ARFGEF3: variants seen among roughly 807,000 people sequenced by gnomAD.
ARFGEF3 encodes the protein ARFGEF family member 3.
Under a neutral mutation model 221.7 loss-of-function variants are expected in ARFGEF3, and 96 were observed. The observed-to-expected ratio is 0.43, with a 90% confidence interval of 0.37 to 0.51. The LOEUF is 0.51. ARFGEF3 is among the 20% of genes least tolerant of loss of function. The probability of loss-of-function intolerance (pLI) is 0.00; values close to 1 mark genes in which losing one functional copy is unlikely to be tolerated. For synonymous variants in ARFGEF3, 1,145 were observed against 1,126.8 expected (o/e 1.02, Z -0.32); for missense variants, 2,410 against 2,789.9 (o/e 0.86, Z 3.07).
intron 29 of ARFGEF3, 54 bp from the exon 30 acceptor site, chr6:138,323,617 A>G (rs1780073603): frequency 1.3e-6 from 2 of 1,561,248 alleles, no homozygotes; most frequent in African/African-American, 2.7e-5. Context: ...ATCTGAAAAA[A>G]ACAAACAACA....
intron 17 of ARFGEF3, 71 bp from the exon 18 acceptor site, chr6:138,289,747 A>G: frequency 6.6e-7 from 1 of 1,504,288 alleles, no homozygotes; most frequent in Non-Finnish European, 9.1e-7. Flanking sequence ...CATGACACAC[A>G]TTCTTTCATT....
intron 4 of ARFGEF3, among the ~76,000 whole-genome samples, chr6:138,211,671 T>C (rs1358492343): frequency 6.6e-6 from 1 of 152,214 alleles, no homozygotes; most frequent in Non-Finnish European, 1.5e-5. Flanking sequence ...CTCCCAGGAA[T>C]AGTTTTTGTG....
chr6:138,192,732 G>A (rs1474100757), intron 2 of ARFGEF3, among the ~76,000 whole-genome samples: 3 of 152,208 alleles, frequency 2.0e-5, no homozygotes, highest in East Asian at 1.9e-4. Flanking sequence ...CTGGCCCTGG[G>A]CAGTCAGGAC....
chr6:138,325,598 T>C (rs1780112660), intron 31 of ARFGEF3, among the ~76,000 whole-genome samples: 1 of 152,190 alleles, frequency 6.6e-6, no homozygotes, highest in Admixed American at 6.5e-5. Flanking sequence ...ATGGTGTAGC[T>C]AGAAGTGAGA....
At chr6:138,330,140 G>C (rs1349271739) in intron 32 of ARFGEF3, among the ~76,000 whole-genome samples, 5 of 152,162 alleles carry the variant, frequency 3.3e-5, no homozygotes, top group Admixed American at 3.3e-4. Flanking sequence ...CATCAGTTAA[G>C]GCAGGAACCA....
intron 13 of ARFGEF3, among the ~76,000 whole-genome samples, 188 bp from the exon 14 acceptor site, chr6:138,279,811 G>C (rs2050045): frequency 0.082 from 12,466 of 152,218 alleles, 742 homozygotes; most frequent in South Asian, 0.2. Flanking sequence ...GGTGTCATCA[G>C]TGAAGGAAAC....
chr6:138,192,443 C>T (rs1188252462), intron 2 of ARFGEF3, among the ~76,000 whole-genome samples: 3 of 152,166 alleles, frequency 2.0e-5, no homozygotes, highest in Non-Finnish European at 4.4e-5. Context: ...GCCAAGATCG[C>T]ACCATTGCAC....
chr6:138,290,795 A>G (rs1328312968), intron 18 of ARFGEF3, among the ~76,000 whole-genome samples: 1 of 152,210 alleles, frequency 6.6e-6, no homozygotes, highest in East Asian at 1.9e-4. Context: ...GGCAATGGCC[A>G]ATGGCCCAGG....
In ARFGEF3 at chr6:138,298,741, C is replaced by T. The variant is rs770178501; in HGVS notation, c.3784C>T (p.Arg1262Cys). The change falls in exon 22 of 34, where the codon CGC becomes TGC. Residue 1262 changes from arginine (R) to cysteine (C), a missense_variant. Physicochemically the swap from Arg to Cys is radical, Grantham distance 180. Coordinates refer to ENST00000251691, the MANE Select transcript of ARFGEF3 (RefSeq NM_020340.5). ...FNEALFRPFE[R>C]IMQLELCDED... ...TGAAGCACTCTTCCGACCTTTCGAGCGCATTATGCAGCTGGAATTGTGTGA... is the reference window on the plus strand; with the variant it reads ...TGAAGCACTCTTCCGACCTTTCGAGTGCATTATGCAGCTGGAATTGTGTGA... 2.4e-5 allele frequency: 38 copies of T among 1,613,300 alleles called. No homozygotes were observed. Among genetic ancestry groups the T allele is most frequent in the Admixed American group, 2.0e-4 (12 of 59,972 alleles).
intron 32 of ARFGEF3, among the ~76,000 whole-genome samples, chr6:138,328,853 C>G (rs186080729): frequency 6.6e-6 from 1 of 152,188 alleles, no homozygotes; most frequent in East Asian, 1.9e-4. Flanking sequence ...AAAATTTAGC[C>G]AAGCATGATG....
rs1780413453 is a variant in ARFGEF3 at position 138,340,666 on chromosome 6, T to A, written c.*4180T>A. 1 of 152,200 alleles carries A rather than the reference T, an allele frequency of 6.6e-6. No individual in the cohort carries two copies. The highest frequency in any genetic ancestry group is 1.5e-5 in the Non-Finnish European group (1 of 68,034). The allele number at this position is 152,200 out of a possible 1,614,324, so 9.4% of individuals were successfully genotyped here. On this transcript the variant is annotated 3_prime_UTR_variant, in exon 34 of 34. Transcript: ENST00000251691. ...GAGACAAGTGTTGTGTTCCTCATTT[T>A]TTCAGAGGGGAACACAGACCCAGAG...
At chr6:138,248,867 T>G (rs1328680991) in intron 8 of ARFGEF3, among the ~76,000 whole-genome samples, 2 of 152,156 alleles carry the variant, frequency 1.3e-5, no homozygotes, top group African/African-American at 4.8e-5. Context: ...GCCAGCAAGA[T>G]AAGGCAGAAT....
chr6:138,211,457 C>T (rs1777725994), intron 4 of ARFGEF3, among the ~76,000 whole-genome samples: 1 of 152,104 alleles, frequency 6.6e-6, no homozygotes, highest in Middle Eastern at 3.2e-3. Context: ...ACAGAGTGAC[C>T]CCTTCTAGCT....
intron 2 of ARFGEF3, among the ~76,000 whole-genome samples, chr6:138,183,581 G>T (rs1289448836): frequency 6.6e-6 from 1 of 152,138 alleles, no homozygotes; most frequent in Non-Finnish European, 1.5e-5. Context: ...GGGGGAGCAG[G>T]TGGCCTGGGT....
chr6:138,229,406 C>G (rs185422149), intron 4 of ARFGEF3, among the ~76,000 whole-genome samples: 2 of 152,288 alleles, frequency 1.3e-5, no homozygotes, highest in East Asian at 3.9e-4. Flanking sequence ...GAAGGTCAAC[C>G]TAGATAATTC....
intron 1 of ARFGEF3, among the ~76,000 whole-genome samples, chr6:138,164,709 A>G (rs1225819327): frequency 1.3e-5 from 2 of 152,216 alleles, no homozygotes; most frequent in African/African-American, 4.8e-5. Flanking sequence ...GTGATTTAGG[A>G]ATTAGACACT....
At chr6:138,206,920 A>G in intron 2 of ARFGEF3, 122 bp from the exon 3 acceptor site, 2 of 681,848 alleles carry the variant, frequency 2.9e-6, no homozygotes, top group South Asian at 1.8e-5. Context: ...CATTTTTATT[A>G]TTGGTTATAG....
At chr6:138,285,272 G>A (rs1779265512) in intron 14 of ARFGEF3, among the ~76,000 whole-genome samples, 2 of 152,064 alleles carry the variant, frequency 1.3e-5, no homozygotes, top group Admixed American at 1.3e-4. Context: ...GACCATCCTG[G>A]CTAACACGGT....
intron 10 of ARFGEF3, among the ~76,000 whole-genome samples, chr6:138,260,622 GA>G (rs1469545457): frequency 1.3e-5 from 2 of 151,902 alleles, no homozygotes; most frequent in Non-Finnish European, 2.9e-5. Flanking sequence ...TAGAAAAAAA[GA>G]ATAGAATAAA....
Sources: allele counts gnomAD v4.1 joint callset (sites outside exome capture counted in the v4.1 genomes callset), GRCh38; gene constraint gnomAD v4.1.1; transcripts MANE v1.5; gene names NCBI Gene and HGNC (gene_info 2026-07-23, HGNC 2026-07-21).